TMEM106B: variants seen among roughly 807,000 people sequenced by gnomAD.
The protein encoded by TMEM106B is transmembrane protein 106B.
In TMEM106B, 15 loss-of-function variants were observed where a neutral mutation model predicts 31.1. That is an observed-to-expected ratio of 0.48 (90% CI 0.32 to 0.74). The LOEUF (loss-of-function observed/expected upper bound fraction) is 0.74. TMEM106B is among the 30% of genes least tolerant of loss of function. The pLI is 0.03. For synonymous variants in TMEM106B, 126 were observed against 112.5 expected (o/e 1.12, Z -0.76); for missense variants, 283 against 327.3 (o/e 0.86, Z 1.04).
chr7:12,211,675 C>T (rs1781579450), intron 1 of TMEM106B: 1 of 152,472 alleles, frequency 6.6e-6, no homozygotes, highest in South Asian at 2.1e-4. Context: ...CCTTGAGCGC[C>T]AGGTGGCCCT....
In TMEM106B at chr7:12,237,824, C is replaced by CAT. The variant is rs1782169507; in HGVS notation, c.*5850_*5851insTA. ...CATATAAAATATATACATACACACA[C>CAT]ACACACACACACACACACACACACA... On this transcript the variant is annotated 3_prime_UTR_variant, in exon 8 of 8. Coordinates refer to ENST00000396668, the MANE Select transcript of TMEM106B (RefSeq NM_001134232.2). The CAT allele has an allele frequency of 8.3e-6, 1 of 119,826 alleles. No homozygotes were observed. The highest frequency in any genetic ancestry group is 8.1e-5 in the Admixed American group (1 of 12,308). 7.4% of individuals were successfully genotyped at this position (119,826 alleles called of 1,614,324 possible). A position where few individuals can be genotyped will look rare whatever the true frequency, so the allele number is the denominator to read the frequency against.
intron 6 of TMEM106B, 88 bp from the exon 7 acceptor site, chr7:12,230,974 C>CTTTAAGAAAT (rs1311899030): frequency 4.8e-6 from 4 of 831,228 alleles, no homozygotes; most frequent in Non-Finnish European, 7.6e-6. Flanking sequence ...TATTTCTTAG[C>CTTTAAGAAAT]ATCTCTGTTA....
Position 12,231,897 on chromosome 7 carries a change from G to A in TMEM106B, c.747G>A (p.Gln249=). 1.2e-6 allele frequency: 2 copies of A among 1,612,492 alleles called. No individual in the cohort carries two copies. The highest frequency in any genetic ancestry group is 1.7e-6 in the Non-Finnish European group (2 of 1,178,904). Residue 249 remains glutamine, a synonymous_variant, in exon 8 of 8, where the codon CAG becomes CAA. Transcript: ENST00000396668. ...AACAGATATCCCAGGAGAGGTATCAGTATGTCGACTGTGGAAGAAACACAA... is the reference window on the plus strand; with the variant it reads ...AACAGATATCCCAGGAGAGGTATCAATATGTCGACTGTGGAAGAAACACAA... ...HSEQISQERY[Q]YVDCGRNTTY...
chr7:12,235,159 T>TTATAAA lies in TMEM106B; in HGVS notation c.*3185_*3186insATAAAT, dbSNP rs1782106318. On this transcript the variant is annotated 3_prime_UTR_variant, in exon 8 of 8. Transcript: ENST00000396668. ...GGAGAATGAACACTTATAAAATGCTTTGGAACATAATCTTTAGCTTAATTT... is the reference window on the plus strand; with the variant it reads ...GGAGAATGAACACTTATAAAATGCTTTATAAATGGAACATAATCTTTAGCTTAATTT... 2.0e-5 allele frequency: 3 copies of TTATAAA among 152,352 alleles called. No homozygotes were observed. The highest frequency in any genetic ancestry group is 7.2e-5 in the African/African-American group (3 of 41,430). The allele number at this position is 152,352 out of a possible 1,614,324, so 9.4% of individuals were successfully genotyped here. A position where few individuals can be genotyped will look rare whatever the true frequency, so the allele number is the denominator to read the frequency against.
chr7:12,220,443 AG>A (rs1348995744), intron 3 of TMEM106B, among the ~76,000 whole-genome samples: 1 of 152,186 alleles, frequency 6.6e-6, no homozygotes, highest in Non-Finnish European at 1.5e-5. Flanking sequence ...GAGAAGAAAA[AG>A]GCCAACCTCC....
chr7:12,214,966 A>T lies in TMEM106B; in HGVS notation c.156A>T (p.Glu52Asp), dbSNP rs766313087. 6.2e-7 allele frequency: 1 copy of T among 1,614,100 alleles called. No homozygotes were observed. The highest frequency in any genetic ancestry group is 8.5e-7 in the Non-Finnish European group (1 of 1,179,970). ...ATGTCTCTCAGTTTCCATATGTGGA[A>T]TTTACAGGAAGAGATAGTGTCACCT... ...NGDVSQFPYV[E>D]FTGRDSVTCP... Residue 52 changes from glutamate (E) to aspartate (D), a missense_variant, in exon 2 of 8, where the codon GAA becomes GAT. Physicochemically the swap from Glu to Asp is conservative, Grantham distance 45. Coordinates refer to ENST00000396668, the MANE Select transcript of TMEM106B (RefSeq NM_001134232.2).
chr7:12,236,314 T>A lies in TMEM106B; in HGVS notation c.*4339T>A, dbSNP rs1782133849. ...AAGAGATAAAAATGGTAATTTCCAT[T>A]TTTAAAAGTAATTTGGTTGTGTTTA... On this transcript the variant is annotated 3_prime_UTR_variant, in exon 8 of 8. Coordinates refer to ENST00000396668, the MANE Select transcript of TMEM106B (RefSeq NM_001134232.2). 1 of 151,926 alleles carries A rather than the reference T, an allele frequency of 6.6e-6. No individual in the cohort carries two copies. The highest frequency in any genetic ancestry group is 2.1e-4 in the South Asian group (1 of 4,832). The allele number at this position is 151,926 out of a possible 1,614,324, so 9.4% of individuals were successfully genotyped here. A position where few individuals can be genotyped will look rare whatever the true frequency, so the allele number is the denominator to read the frequency against.
Position 12,234,000 on chromosome 7 carries a change from TAAAA to T in TMEM106B, c.*2031_*2034del, listed in dbSNP as rs79340241. The T allele has an allele frequency of 2.4e-4, 37 of 151,094 alleles. No individual in the cohort carries two copies. Among genetic ancestry groups the T allele is most frequent in the African/African-American group, 8.7e-4 (36 of 41,368 alleles). The allele number at this position is 151,094 out of a possible 1,614,324, so 9.4% of individuals were successfully genotyped here. A position where few individuals can be genotyped will look rare whatever the true frequency, so the allele number is the denominator to read the frequency against. On this transcript the variant is annotated 3_prime_UTR_variant, in exon 8 of 8. Transcript: ENST00000396668. ...TTACACATTTAGTGACTGTGTAAAATAAAAAAAAAGTTATTTTATCATATCCTTT... is the reference window on the plus strand; with the variant it reads ...TTACACATTTAGTGACTGTGTAAAATAAAAAGTTATTTTATCATATCCTTT...
Position 12,242,779 on chromosome 7 carries a change from G to C in TMEM106B, c.*10804G>C, listed in dbSNP as rs1782256221. On this transcript the variant is annotated 3_prime_UTR_variant, in exon 8 of 8. Coordinates refer to ENST00000396668, the MANE Select transcript of TMEM106B (RefSeq NM_001134232.2). Reference sequence around the variant, plus strand: ...CTGTTAATAGCTGGCTATTTTGTAAGCCTGTATCTGGTTTAAAAAAAAGAA... The same window carrying C: ...CTGTTAATAGCTGGCTATTTTGTAACCCTGTATCTGGTTTAAAAAAAAGAA... 6.6e-6 allele frequency: 1 copy of C among 151,906 alleles called. No homozygotes were observed. The highest frequency in any genetic ancestry group is 1.5e-5 in the Non-Finnish European group (1 of 67,968). 9.4% of individuals were successfully genotyped at this position (151,906 alleles called of 1,614,324 possible). A position where few individuals can be genotyped will look rare whatever the true frequency, so the allele number is the denominator to read the frequency against.
chr7:12,215,436 A>G (rs938409775), intron 2 of TMEM106B, among the ~76,000 whole-genome samples: 10 of 150,422 alleles, frequency 6.6e-5, no homozygotes, highest in South Asian at 2.1e-4. Flanking sequence ...AGATCTCGCA[A>G]TTGTTGGCCA....
At chr7:12,228,501 C>G (rs912108152) in intron 4 of TMEM106B, among the ~76,000 whole-genome samples, 8 of 151,752 alleles carry the variant, frequency 5.3e-5, no homozygotes, top group Non-Finnish European at 1.0e-4. Flanking sequence ...CATATAAGGA[C>G]TTAATATAAT....
intron 4 of TMEM106B, among the ~76,000 whole-genome samples, chr7:12,225,236 A>C (rs1487411934): frequency 1.3e-5 from 2 of 152,168 alleles, no homozygotes; most frequent in Middle Eastern, 3.2e-3. Context: ...CATGGTGTAT[A>C]TGTGCCACGT....
Position 12,233,315 on chromosome 7 carries a change from T to C in TMEM106B, c.*1340T>C, listed in dbSNP as rs1260203057. The C allele has an allele frequency of 6.6e-6, 1 of 151,020 alleles. No individual in the cohort carries two copies. Among genetic ancestry groups the C allele is most frequent in the Non-Finnish European group, 1.5e-5 (1 of 67,432 alleles). The allele number at this position is 151,020 out of a possible 1,614,324, so 9.4% of individuals were successfully genotyped here. A position where few individuals can be genotyped will look rare whatever the true frequency, so the allele number is the denominator to read the frequency against. The stretch of plus-strand genomic sequence containing the variant: ...GTACTAAGTGTAGGAGTGGTTATGA[T>C]ACCAAAAAATGTAGCTGGGTTGAGA... On this transcript the variant is annotated 3_prime_UTR_variant, in exon 8 of 8. Transcript: ENST00000396668.
rs758892011 is a variant in TMEM106B at position 12,239,570 on chromosome 7, G to C, written c.*7595G>C. 1 of 152,058 alleles carries C rather than the reference G, an allele frequency of 6.6e-6. No homozygotes were observed. The highest frequency in any genetic ancestry group is 1.5e-5 in the Non-Finnish European group (1 of 68,016). The allele number at this position is 152,058 out of a possible 1,614,324, so 9.4% of individuals were successfully genotyped here. A position where few individuals can be genotyped will look rare whatever the true frequency, so the allele number is the denominator to read the frequency against. On this transcript the variant is annotated 3_prime_UTR_variant, in exon 8 of 8. Transcript: ENST00000396668. ...TTGGTGAGAAATGCTTGATTACTAG[G>C]TGTAATTATTTCTAGCTTTTGATTG...
chr7:12,242,574 C>T lies in TMEM106B; in HGVS notation c.*10599C>T, dbSNP rs1162689883. 6.6e-6 allele frequency: 1 copy of T among 151,982 alleles called. No individual in the cohort carries two copies. The highest frequency in any genetic ancestry group is 1.5e-5 in the Non-Finnish European group (1 of 67,994). 9.4% of individuals were successfully genotyped at this position (151,982 alleles called of 1,614,324 possible). On this transcript the variant is annotated 3_prime_UTR_variant, in exon 8 of 8. Transcript: ENST00000396668. ...CACATTTTTCACAGAGAGTGTTTTA[C>T]TGAAATATAAACTTTTATGCATCTG...
Position 12,229,739 on chromosome 7 carries a change from C to G in TMEM106B, c.502C>G (p.Gln168Glu). ...YSVEVENITA[Q>E]VQFSKTVIGK... ...TGTCGAAGTTGAAAACATCACTGCC[C>G]AAGTTCAATTTTCAAAAACAGTTAT... Residue 168 changes from glutamine (Q) to glutamate (E), a missense_variant, in exon 5 of 8, where the codon CAA becomes GAA. Coordinates refer to ENST00000396668, the MANE Select transcript of TMEM106B (RefSeq NM_001134232.2). 6.2e-7 allele frequency: 1 copy of G among 1,613,070 alleles called. No homozygotes were observed. Among genetic ancestry groups the G allele is most frequent in the Non-Finnish European group, 8.5e-7 (1 of 1,179,580 alleles).
In TMEM106B at chr7:12,238,420, A is replaced by AT. The variant is rs1417468261; in HGVS notation, c.*6445_*6446insT. 2 of 152,124 alleles carry AT rather than the reference A, an allele frequency of 1.3e-5. No homozygotes were observed. Among genetic ancestry groups the AT allele is most frequent in the East Asian group, 3.9e-4 (2 of 5,184 alleles). 9.4% of individuals were successfully genotyped at this position (152,124 alleles called of 1,614,324 possible). A position where few individuals can be genotyped will look rare whatever the true frequency, so the allele number is the denominator to read the frequency against. Reference sequence around the variant, plus strand: ...CCCTCAAAATTATCCATGAGAGTTGAAATCAATTTCTTTCAAACTCCTGTT... The same window carrying AT: ...CCCTCAAAATTATCCATGAGAGTTGATAATCAATTTCTTTCAAACTCCTGTT... On this transcript the variant is annotated 3_prime_UTR_variant, in exon 8 of 8. Transcript: ENST00000396668.
At chr7:12,226,502 C>T (rs1362649366) in intron 4 of TMEM106B, among the ~76,000 whole-genome samples, 1 of 151,998 alleles carries the variant, frequency 6.6e-6, no homozygotes, top group Non-Finnish European at 1.5e-5. Flanking sequence ...ATTTATTGGC[C>T]AGCCATGAGA....
intron 4 of TMEM106B, among the ~76,000 whole-genome samples, chr7:12,224,931 A>G (rs1160435281): frequency 6.6e-6 from 1 of 151,796 alleles, no homozygotes; most frequent in Non-Finnish European, 1.5e-5. Context: ...GGTTTGTTAC[A>G]TATGTATACA....
Sources: gnomAD v4.1 joint callset for allele counts (sites outside exome capture counted in the v4.1 genomes callset) on GRCh38, gnomAD v4.1.1 for gene constraint, MANE v1.5 for transcripts, NCBI Gene and HGNC (gene_info 2026-07-23, HGNC 2026-07-21) for gene names.